Variants in SPTLC3 observed in about 807,000 individuals in gnomAD.
SPTLC3 encodes serine palmitoyltransferase long chain base subunit 3, also known as serine palmitoyltransferase 3.
A neutral mutation model predicts 59.3 loss-of-function variants in SPTLC3; 36 were observed. The ratio of observed to expected loss-of-function variants is 0.61; its 90% confidence interval spans 0.47 to 0.80. SPTLC3 has a LOEUF of 0.80. SPTLC3 is among the 30% of genes least tolerant of loss of function. The probability of loss-of-function intolerance (pLI) is 0.00; values close to 1 mark genes in which losing one functional copy is unlikely to be tolerated. For missense variants in SPTLC3, 625 were observed against 685.1 expected (o/e 0.91, Z 0.98); for synonymous variants, 257 against 240.8 (o/e 1.07, Z -0.62).
chr20:13,070,624 C>T (rs1988400656), intron 2 of SPTLC3, among the ~76,000 whole-genome samples: 2 of 152,130 alleles, frequency 1.3e-5, no homozygotes, highest in African/African-American at 4.8e-5. Context: ...TTCAGTGACC[C>T]CTCATTACCT....
intron 9 of SPTLC3, among the ~76,000 whole-genome samples, chr20:13,148,257 T>C (rs2038561710): frequency 6.6e-6 from 1 of 152,230 alleles, no homozygotes; most frequent in Admixed American, 6.5e-5. Context: ...CTGACCCAGC[T>C]GGTTTTGTTT....
At chr20:13,123,566 C>T (rs915924307) in intron 8 of SPTLC3, among the ~76,000 whole-genome samples, 1 of 152,284 alleles carries the variant, frequency 6.6e-6, no homozygotes, top group East Asian at 1.9e-4. Flanking sequence ...AGCTATTGGG[C>T]ATCAGAGGCT....
Position 13,126,736 on chromosome 20 carries a change from A to G in SPTLC3, c.1279+19A>G. ...ACTCAAGGTAAGAGGATCTGCAGAGAGCACAGCTCCTGGACCTCTCTGTCT... is the reference window on the plus strand; with the variant it reads ...ACTCAAGGTAAGAGGATCTGCAGAGGGCACAGCTCCTGGACCTCTCTGTCT... On this transcript the variant is annotated intron_variant, in intron 9 of 11. Coordinates refer to ENST00000399002, the MANE Select transcript of SPTLC3 (RefSeq NM_018327.4). 1.2e-6 allele frequency: 2 copies of G among 1,613,490 alleles called. No homozygotes were observed. Among genetic ancestry groups the G allele is most frequent in the Non-Finnish European group, 1.7e-6 (2 of 1,179,726 alleles).
intron 7 of SPTLC3, among the ~76,000 whole-genome samples, chr20:13,115,756 G>A (rs905579509): frequency 2.6e-4 from 40 of 152,092 alleles, no homozygotes; most frequent in Admixed American, 2.6e-4. Context: ...CCTGAGGGCC[G>A]TAACGATTCA....
intron 1 of SPTLC3, among the ~76,000 whole-genome samples, chr20:13,036,579 A>C (rs1186895216): frequency 6.6e-6 from 1 of 152,146 alleles, no homozygotes; most frequent in Admixed American, 6.6e-5. Context: ...CTTCCCATCA[A>C]CAGTAGGCTA....
At chr20:13,038,576 T>A (rs960003199) in intron 1 of SPTLC3, among the ~76,000 whole-genome samples, 54 of 152,158 alleles carry the variant, frequency 3.5e-4, no homozygotes, top group Non-Finnish European at 5.4e-4. Flanking sequence ...TTTTGATTGA[T>A]CCATCCAAGC....
At chr20:13,096,793 A>C (rs1038924947) in intron 6 of SPTLC3, among the ~76,000 whole-genome samples, 8 of 152,128 alleles carry the variant, frequency 5.3e-5, no homozygotes, top group African/African-American at 1.9e-4. Context: ...ATATTATTAT[A>C]ATCATACAAC....
intron 9 of SPTLC3, among the ~76,000 whole-genome samples, chr20:13,149,821 G>A (rs2038602697): frequency 6.6e-6 from 1 of 152,168 alleles, no homozygotes; most frequent in African/African-American, 2.4e-5. Context: ...GGGACAGCCG[G>A]GGCCAATTAA....
intron 4 of SPTLC3, among the ~76,000 whole-genome samples, chr20:13,081,243 T>A (rs1049426917): frequency 3.9e-5 from 6 of 152,190 alleles, no homozygotes; most frequent in African/African-American, 1.4e-4. Flanking sequence ...TTGTCACTGA[T>A]ATACAGAAAT....
At chr20:13,131,914 T>C (rs1344558340) in intron 9 of SPTLC3, among the ~76,000 whole-genome samples, 2 of 152,110 alleles carry the variant, frequency 1.3e-5, no homozygotes, top group Non-Finnish European at 2.9e-5. Context: ...TGGTCCTCCA[T>C]ATACCCTGCC....
chr20:13,042,943 T>G (rs1380756284), intron 1 of SPTLC3, among the ~76,000 whole-genome samples: 1 of 152,230 alleles, frequency 6.6e-6, no homozygotes, highest in East Asian at 1.9e-4. Flanking sequence ...AGGCTCTTTA[T>G]GCCACCAGCA....
Position 13,113,122 on chromosome 20 carries a change from G to T in SPTLC3, c.932+2905G>T, listed in dbSNP as rs537653284. Among the ~76,000 whole-genome samples the T allele has an allele frequency of 3.3e-5, 5 of 152,310 alleles. No individual in the cohort carries two copies. In the South Asian group the frequency reaches 1.0e-3, roughly 32 times the overall value. Reference sequence around the variant, plus strand: ...CACTTGAACCTGGGAGGCAGAGGTTGCAGTGAGCCAAGATCATGCCACTGC... The same window carrying T: ...CACTTGAACCTGGGAGGCAGAGGTTTCAGTGAGCCAAGATCATGCCACTGC... On this transcript the variant is annotated intron_variant, in intron 7 of 11. Transcript: ENST00000399002.
Position 13,098,316 on chromosome 20 carries a change from T to C in SPTLC3, c.826+4739T>C, listed in dbSNP as rs1989492392. 3.9e-5 allele frequency among the ~76,000 whole-genome samples: 6 copies of C among 152,268 alleles called. No individual in the cohort carries two copies. The South Asian group carries it at 1.2e-3, about 32-fold the overall frequency. On this transcript the variant is annotated intron_variant, in intron 6 of 11. Transcript: ENST00000399002. ...ATTCAGGGAAACAATTGTGTGTGTG[T>C]GTACACACACATTTAAACACAGGTG...
chr20:13,012,568 C>T (rs535404805), intron 1 of SPTLC3, among the ~76,000 whole-genome samples: 1 of 152,248 alleles, frequency 6.6e-6, no homozygotes, highest in African/African-American at 2.4e-5. Context: ...GGTATAGATA[C>T]TAGTACTAGA....
intron 2 of SPTLC3, among the ~76,000 whole-genome samples, chr20:13,059,789 T>A (rs762914997): frequency 3.9e-5 from 6 of 152,218 alleles, no homozygotes; most frequent in Non-Finnish European, 8.8e-5. Context: ...TTTTAAGATC[T>A]TTTCATTCTC....
intron 4 of SPTLC3, among the ~76,000 whole-genome samples, chr20:13,089,393 A>G (rs1174101297): frequency 1.3e-5 from 2 of 152,240 alleles, no homozygotes; most frequent in African/African-American, 4.8e-5. Flanking sequence ...TCTAATAGCC[A>G]TATTTAATAA....
chr20:13,101,757 A>G (rs892977962), intron 6 of SPTLC3, among the ~76,000 whole-genome samples: 6 of 152,130 alleles, frequency 3.9e-5, no homozygotes, highest in African/African-American at 1.4e-4. Context: ...TCTTGTTAAA[A>G]TGCAGACTCT....
intron 9 of SPTLC3, among the ~76,000 whole-genome samples, chr20:13,142,602 T>C (rs1404361372): frequency 1.3e-5 from 2 of 152,212 alleles, no homozygotes; most frequent in African/African-American, 2.4e-5. Flanking sequence ...ACAAACTTAG[T>C]GACCATTGAA....
At chr20:13,024,848 A>G (rs962716591) in intron 1 of SPTLC3, among the ~76,000 whole-genome samples, 1 of 152,132 alleles carries the variant, frequency 6.6e-6, no homozygotes, top group Non-Finnish European at 1.5e-5. Flanking sequence ...CTTTAGTGTA[A>G]TCTCTCCAGC....
Sources: allele counts gnomAD v4.1 joint callset (sites outside exome capture counted in the v4.1 genomes callset), GRCh38; gene constraint gnomAD v4.1.1; transcripts MANE v1.5; gene names NCBI Gene and HGNC (gene_info 2026-07-23, HGNC 2026-07-21).